Variants in IFT57 observed in about 807,000 individuals in gnomAD.
The protein encoded by IFT57 is intraflagellar transport protein 57 homolog.
In IFT57, 59 loss-of-function variants were observed where a neutral mutation model predicts 56.8. The ratio of observed to expected loss-of-function variants is 1.04; its 90% CI spans 0.84 to 1.29. The LOEUF (loss-of-function observed/expected upper bound fraction) is 1.29. Among genes scored for constraint, IFT57 ranks in the 50% most tolerant of loss-of-function variants. The pLI, the probability that IFT57 is intolerant of heterozygous loss-of-function variation, is 0.00. For synonymous variants in IFT57, 209 were observed against 186.1 expected (o/e 1.12, Z -1.00); for missense variants, 470 against 522.1 (o/e 0.90, Z 0.97).
chr3:108,200,735 T>C (rs892885292), intron 5 of IFT57, among the ~76,000 whole-genome samples: 5 of 152,148 alleles, frequency 3.3e-5, no homozygotes, highest in African/African-American at 7.2e-5. Context: ...CCTTCAATAA[T>C]AATCCACGTG....
chr3:108,178,183 GA>G (rs1314607225), intron 6 of IFT57, among the ~76,000 whole-genome samples: 2 of 151,864 alleles, frequency 1.3e-5, no homozygotes, highest in Non-Finnish European at 2.9e-5. Context: ...GTGTACTGGT[GA>G]AAGAATAACC....
Position 108,191,538 on chromosome 3 carries a change from T to C in IFT57, c.760A>G (p.Ile254Val). ...ERVLPQLKVT[I>V]RTDNKDWRIH... ...TTTGATACCTTATTGTCAGTCCTAA[T>C]CGTGACTTTCAGTTGCGGTAGTACA... is the stretch of plus-strand genomic sequence containing the variant. Residue 254 changes from isoleucine to valine, a missense_variant, in exon 6 of 11, where the codon ATT becomes GTT. Ile to Val is a conservative substitution (Grantham distance 29, BLOSUM62 3). Transcript: ENST00000264538. The C allele has an allele frequency of 1.2e-6, 2 of 1,605,570 alleles. No individual in the cohort carries two copies. Among genetic ancestry groups the C allele is most frequent in the East Asian group, 2.2e-5 (1 of 44,578 alleles).
intron 6 of IFT57, among the ~76,000 whole-genome samples, chr3:108,171,719 T>C (rs2080093326): frequency 3.3e-5 from 5 of 151,902 alleles, no homozygotes; most frequent in Admixed American, 3.3e-4. Context: ...AGCCTCAAAA[T>C]GGAAACCTAT....
intron 10 of IFT57, among the ~76,000 whole-genome samples, chr3:108,162,972 A>G (rs1577045355): frequency 6.6e-6 from 1 of 152,226 alleles, no homozygotes; most frequent in South Asian, 2.1e-4. Flanking sequence ...TAGGAAAAGG[A>G]AATACAAAAG....
intron 6 of IFT57, among the ~76,000 whole-genome samples, chr3:108,175,094 A>G (rs1386710570): frequency 6.6e-6 from 1 of 151,854 alleles, no homozygotes; most frequent in African/African-American, 2.4e-5. Flanking sequence ...GGGGGATAAA[A>G]TAAACTACCA....
intron 6 of IFT57, among the ~76,000 whole-genome samples, chr3:108,174,902 T>C (rs1037318431): frequency 1.3e-5 from 2 of 151,854 alleles, no homozygotes; most frequent in Admixed American, 6.6e-5. Flanking sequence ...AAATATGTTA[T>C]TGCAAGCCAC....
At chr3:108,217,751 T>C (rs1413192564) in intron 3 of IFT57, among the ~76,000 whole-genome samples, 2 of 151,432 alleles carry the variant, frequency 1.3e-5, no homozygotes, top group African/African-American at 4.8e-5. Flanking sequence ...CACTGCTTAC[T>C]CGCATTTTAC....
chr3:108,222,084 C>T (rs538392939), intron 1 of IFT57, 27 bp downstream of exon 1: 2 of 1,566,062 alleles, frequency 1.3e-6, no homozygotes, highest in East Asian at 5.1e-5. Context: ...AGCAGGCACC[C>T]GGGCGCTCGG....
chr3:108,166,155 T>C (rs1254110985), intron 8 of IFT57, among the ~76,000 whole-genome samples: 1 of 152,066 alleles, frequency 6.6e-6, no homozygotes, highest in Non-Finnish European at 1.5e-5. Context: ...CTTCTACTTT[T>C]TTCTCTTTCT....
At chr3:108,199,748 C>A (rs1367298256) in intron 5 of IFT57, among the ~76,000 whole-genome samples, 1 of 152,058 alleles carries the variant, frequency 6.6e-6, no homozygotes, top group Non-Finnish European at 1.5e-5. Flanking sequence ...ATAAAACATG[C>A]TAGTTATGTT....
intron 5 of IFT57, among the ~76,000 whole-genome samples, chr3:108,200,991 C>T (rs892916176): frequency 6.6e-6 from 1 of 152,142 alleles, no homozygotes; most frequent in Non-Finnish European, 1.5e-5. Context: ...GCATGAAGCC[C>T]ATACTCTATG....
In IFT57 at chr3:108,200,693, A is replaced by T. The variant is rs11914519; in HGVS notation, c.654+5935T>A. On this transcript the variant is annotated intron_variant, in intron 5 of 10. Coordinates refer to ENST00000264538, the MANE Select transcript of IFT57 (RefSeq NM_018010.4). Reference sequence around the variant, plus strand: ...TCCTTGAGTCATTTCTGTAGGGGAGATCTTGTGTGACAGCAAATTTAGTCT... The same window carrying T: ...TCCTTGAGTCATTTCTGTAGGGGAGTTCTTGTGTGACAGCAAATTTAGTCT... Among the ~76,000 whole-genome samples, 1,368 of 152,238 alleles carry T rather than the reference A, an allele frequency of 9.0e-3. 13 individuals carry two copies. The highest frequency in any genetic ancestry group is 0.03 in the African/African-American group (1,228 of 41,534).
At chr3:108,164,211 T>C (rs2080048809) in intron 9 of IFT57, among the ~76,000 whole-genome samples, 1 of 152,050 alleles carries the variant, frequency 6.6e-6, no homozygotes, top group African/African-American at 2.4e-5. Flanking sequence ...TTATATCATA[T>C]GGCTATATAT....
At chr3:108,193,541 GA>G (rs576780048) in intron 5 of IFT57, among the ~76,000 whole-genome samples, 24 of 151,720 alleles carry the variant, frequency 1.6e-4, no homozygotes, top group Admixed American at 1.1e-3. Flanking sequence ...AGTAAAATGT[GA>G]AAAAAAAGCT....
intron 6 of IFT57, among the ~76,000 whole-genome samples, chr3:108,180,602 AC>A (rs1006727696): frequency 5.9e-5 from 9 of 151,966 alleles, no homozygotes; most frequent in African/African-American, 1.9e-4. Context: ...TATTTGAAAA[AC>A]CAAGAAACAT....
At chr3:108,205,555 A>G (rs952341400) in intron 5 of IFT57, among the ~76,000 whole-genome samples, 8 of 151,156 alleles carry the variant, frequency 5.3e-5, no homozygotes, top group African/African-American at 1.9e-4. Flanking sequence ...TAGTATTATT[A>G]ATCCTCATTA....
At chr3:108,171,038 C>T (rs538839091) in intron 6 of IFT57, among the ~76,000 whole-genome samples, 2 of 151,960 alleles carry the variant, frequency 1.3e-5, no homozygotes, top group East Asian at 1.9e-4. Context: ...TGTTTGCATA[C>T]CCTGATGCTC....
intron 9 of IFT57, among the ~76,000 whole-genome samples, chr3:108,164,422 A>T (rs781683527): frequency 2.6e-4 from 39 of 152,116 alleles, no homozygotes; most frequent in Non-Finnish European, 4.7e-4. Context: ...CATGATCTAC[A>T]ACTAAGCTAT....
intron 2 of IFT57, among the ~76,000 whole-genome samples, chr3:108,219,144 C>G (rs2080390588): frequency 6.6e-6 from 1 of 151,300 alleles, no homozygotes; most frequent in South Asian, 2.1e-4. Flanking sequence ...TTTTTTAGAT[C>G]AAGAATTAAC....
Sources: gnomAD v4.1 joint callset for allele counts (sites outside exome capture counted in the v4.1 genomes callset) on GRCh38, gnomAD v4.1.1 for gene constraint, MANE v1.5 for transcripts, NCBI Gene and HGNC (gene_info 2026-07-23, HGNC 2026-07-21) for gene names.